Variants in FER1L6 observed in about 807,000 individuals in gnomAD.
FER1L6 encodes fer-1-like protein 6.
FER1L6 carries 177 observed loss-of-function variants against 219.2 expected under a neutral mutation model. That is an observed-to-expected ratio of 0.81 (90% CI 0.71 to 0.91). The LOEUF is 0.91. Among genes scored for constraint, FER1L6 ranks in the 40% least tolerant of loss-of-function variants. The probability of loss-of-function intolerance (pLI) is 0.00; values close to 1 mark genes in which losing one functional copy is unlikely to be tolerated. For missense variants in FER1L6, 2,153 were observed against 2,259.9 expected (o/e 0.95, Z 0.96); for synonymous variants, 768 against 824.3 (o/e 0.93, Z 1.17).
intron 22 of FER1L6, among the ~76,000 whole-genome samples, chr8:124,050,674 G>A (rs1819972769): frequency 6.6e-6 from 1 of 151,994 alleles, no homozygotes; most frequent in African/African-American, 2.4e-5. Context: ...TCACAGTTCT[G>A]GAGGCTGGGA....
chr8:124,026,563 T>A (rs1045963330), intron 18 of FER1L6, among the ~76,000 whole-genome samples: 1 of 152,144 alleles, frequency 6.6e-6, no homozygotes, highest in African/African-American at 2.4e-5. Context: ...AGGGAAATAG[T>A]TTCCTAAATG....
In FER1L6 at chr8:124,017,639, C is replaced by T. The variant is rs865798639; in HGVS notation, c.1934C>T (p.Ser645Phe). Residue 645 changes from serine to phenylalanine, a missense_variant, in exon 16 of 41, where the codon TCT becomes TTT. Coordinates refer to ENST00000522917, the MANE Select transcript of FER1L6 (RefSeq NM_001039112.2). ...DFISRSSAFI[S>F]EAEKKPKMLN... ...TTCTTTTCTTATAGTGCCTTTATCT[C>T]TGAAGCAGAAAAAAAGCCCAAGATG... The T allele has an allele frequency of 6.2e-7, 1 of 1,612,778 alleles. No homozygotes were observed. Among genetic ancestry groups the T allele is most frequent in the East Asian group, 2.2e-5 (1 of 44,858 alleles).
intron 20 of FER1L6, among the ~76,000 whole-genome samples, chr8:124,043,168 G>GT (rs1360984844): frequency 2.0e-5 from 3 of 152,206 alleles, no homozygotes; most frequent in Admixed American, 1.3e-4. Flanking sequence ...CTGGGATCGG[G>GT]TAGGATGGGT....
At chr8:124,084,879 G>A (rs1821718842) in intron 33 of FER1L6, among the ~76,000 whole-genome samples, 1 of 151,976 alleles carries the variant, frequency 6.6e-6, no homozygotes, top group Non-Finnish European at 1.5e-5. Context: ...GTGAAGCTTT[G>A]GATCCTGGGC....
chr8:123,958,474 T>A (rs1342589461), intron 2 of FER1L6, among the ~76,000 whole-genome samples: 1 of 152,054 alleles, frequency 6.6e-6, no homozygotes, highest in African/African-American at 2.4e-5. Flanking sequence ...TCCTTCGGGG[T>A]TCCAGTAACT....
intron 24 of FER1L6, among the ~76,000 whole-genome samples, chr8:124,061,201 T>C (rs2130827564): frequency 6.6e-6 from 1 of 152,358 alleles, no homozygotes; most frequent in Non-Finnish European, 1.5e-5. Flanking sequence ...GGAGTTTACA[T>C]GTGAATTTAT....
At chr8:124,079,327 A>G (rs1821430804) in intron 32 of FER1L6, among the ~76,000 whole-genome samples, 1 of 152,214 alleles carries the variant, frequency 6.6e-6, no homozygotes, top group Admixed American at 6.5e-5. Context: ...CCATAGCAAT[A>G]TATACTGCTT....
intron 11 of FER1L6, chr8:123,984,557 C>T (rs1816473403): frequency 6.6e-6 from 1 of 152,090 alleles, no homozygotes; most frequent in African/African-American, 2.4e-5. Context: ...GGTTTTTAAC[C>T]TCCTCCTAGA....
chr8:123,907,059 A>G (rs538117096), intron 1 of FER1L6, among the ~76,000 whole-genome samples: 1 of 152,324 alleles, frequency 6.6e-6, no homozygotes, highest in Non-Finnish European at 1.5e-5. Flanking sequence ...GTTGCATGAC[A>G]GCAGCCATAC....
At chr8:124,018,318 A>G (rs1818292379) in intron 16 of FER1L6, among the ~76,000 whole-genome samples, 1 of 152,230 alleles carries the variant, frequency 6.6e-6, no homozygotes, top group Non-Finnish European at 1.5e-5. Flanking sequence ...CTGCAAAGAA[A>G]AATTACTCAG....
intron 13 of FER1L6, among the ~76,000 whole-genome samples, chr8:124,009,553 T>C (rs1209685914): frequency 6.7e-6 from 1 of 150,258 alleles, no homozygotes; most frequent in Non-Finnish European, 1.5e-5. Flanking sequence ...AGGGAGAAGA[T>C]GGTGCTGCTG....
intron 20 of FER1L6, among the ~76,000 whole-genome samples, chr8:124,043,481 T>C (rs1329148723): frequency 6.6e-6 from 1 of 152,202 alleles, no homozygotes; most frequent in East Asian, 1.9e-4. Flanking sequence ...GCATAACTCT[T>C]TAAGAAAGCC....
At chr8:124,051,878 G>T (rs1233808273) in intron 22 of FER1L6, among the ~76,000 whole-genome samples, 1 of 152,148 alleles carries the variant, frequency 6.6e-6, no homozygotes, top group Non-Finnish European at 1.5e-5. Flanking sequence ...TTTGCTCCAT[G>T]TAAGGGAGAA....
rs7844981 is a variant in FER1L6, at chr8:124,010,493, T to A, written c.1701-101T>A. On this transcript the variant is annotated intron_variant, in intron 13 of 40. Transcript: ENST00000522917. ...AGTTTGATAGTTTTTTCATCATGCC[T>A]CCCGAGTCCTGCCCAGAACGTATAA... The A allele has an allele frequency of 4.2e-6, 6 of 1,412,292 alleles. No individual in the cohort carries two copies. The East Asian group carries it at 7.0e-5, about 17-fold the overall frequency. 87.5% of individuals were successfully genotyped at this position (1,412,292 alleles called of 1,614,324 possible).
intron 1 of FER1L6, among the ~76,000 whole-genome samples, chr8:123,854,778 C>T (rs773690568): frequency 3.6e-4 from 54 of 152,042 alleles, no homozygotes; most frequent in African/African-American, 9.2e-4. Flanking sequence ...TGGGGGATAG[C>T]GGGAGACTGT....
chr8:124,048,484 C>CA (rs1194607107), intron 21 of FER1L6, among the ~76,000 whole-genome samples: 3 of 152,122 alleles, frequency 2.0e-5, no homozygotes, highest in African/African-American at 2.4e-5. Context: ...CACAGTCTTG[C>CA]AAAAGAGGCA....
At chr8:123,865,489 T>A (rs1157368702) in intron 1 of FER1L6, among the ~76,000 whole-genome samples, 1 of 151,590 alleles carries the variant, frequency 6.6e-6, no homozygotes, top group African/African-American at 2.4e-5. Context: ...CAGACCTCCT[T>A]GAGCTGTGGT....
intron 1 of FER1L6, among the ~76,000 whole-genome samples, chr8:123,946,421 T>G (rs1052412144): frequency 6.6e-6 from 1 of 152,008 alleles, no homozygotes; most frequent in African/African-American, 2.4e-5. Context: ...CCAGCTAATT[T>G]TTTTGTATTT....
intron 1 of FER1L6, among the ~76,000 whole-genome samples, chr8:123,922,721 T>G (rs1367898283): frequency 1.3e-5 from 2 of 152,234 alleles, no homozygotes; most frequent in African/African-American, 4.8e-5. Context: ...CATTTTGGTC[T>G]GTGGGTAGCT....
Sources: allele counts gnomAD v4.1 joint callset (sites outside exome capture counted in the v4.1 genomes callset), GRCh38; gene constraint gnomAD v4.1.1; transcripts MANE v1.5; gene names NCBI Gene and HGNC (gene_info 2026-07-23, HGNC 2026-07-21).